ARFGEF2: variants seen among roughly 807,000 people sequenced by gnomAD.
The protein encoded by ARFGEF2 is brefeldin A-inhibited guanine nucleotide-exchange protein 2.
ARFGEF2 carries 74 observed loss-of-function variants against 219.9 expected under a neutral mutation model. The observed-to-expected ratio is 0.34, with a 90% CI of 0.28 to 0.41. The LOEUF is 0.41. Ranked by LOEUF, ARFGEF2 falls within the 10% of genes least tolerant of loss-of-function variation. ARFGEF2 has a pLI of 1.00. For synonymous variants in ARFGEF2, 733 were observed against 799.2 expected (o/e 0.92, Z 1.40); for missense variants, 1,743 against 2,218.3 (o/e 0.79, Z 4.30).
chr20:48,923,204 C>G (rs1021063578), intron 1 of ARFGEF2, among the ~76,000 whole-genome samples: 1 of 152,282 alleles, frequency 6.6e-6, no homozygotes, highest in African/African-American at 2.4e-5. Flanking sequence ...AGCTAATTCA[C>G]TGCCCCAACG....
intron 23 of ARFGEF2, among the ~76,000 whole-genome samples, chr20:48,997,200 G>T (rs1600643148): frequency 6.6e-6 from 1 of 151,710 alleles, no homozygotes. Flanking sequence ...TGCCTTCTTT[G>T]TGTTAAATAG....
At position 49,033,201 on chromosome 20, in the gene ARFGEF2, C is replaced by G. The variant is rs767631723; in HGVS notation, c.*2C>G. ...GCAGCACTGTCACCAGTGTGGTAGC[C>G]CTGGCTGCCCAGGCCAGTGCTGCAG... On this transcript the variant is annotated 3_prime_UTR_variant, in exon 39 of 39. Coordinates refer to ENST00000371917, the MANE Select transcript of ARFGEF2 (RefSeq NM_006420.3). The G allele has an allele frequency of 5.4e-5, 87 of 1,614,038 alleles. No individual in the cohort carries two copies. The highest frequency in any genetic ancestry group is 7.0e-5 in the Non-Finnish European group (83 of 1,180,026).
intron 21 of ARFGEF2, among the ~76,000 whole-genome samples, chr20:48,993,330 A>T (rs1193608439): frequency 1.3e-5 from 2 of 152,240 alleles, no homozygotes; most frequent in Non-Finnish European, 2.9e-5. Flanking sequence ...TTGGTGACGT[A>T]CTTGAGATTC....
intron 23 of ARFGEF2, among the ~76,000 whole-genome samples, chr20:48,996,218 G>T (rs1406952825): frequency 1.3e-5 from 2 of 149,362 alleles, no homozygotes; most frequent in Non-Finnish European, 3.0e-5. Context: ...CACTTTGGGA[G>T]GTCAAGGCAG....
chr20:48,999,518 G>GCAAA (rs942892878), intron 25 of ARFGEF2, among the ~76,000 whole-genome samples: 1 of 152,168 alleles, frequency 6.6e-6, no homozygotes, highest in Non-Finnish European at 1.5e-5. Flanking sequence ...GGAGGCTGAG[G>GCAAA]CAGGTGGATC....
chr20:49,001,682 T>A (rs1221983266), intron 25 of ARFGEF2, among the ~76,000 whole-genome samples: 3 of 152,204 alleles, frequency 2.0e-5, no homozygotes, highest in African/African-American at 7.2e-5. Flanking sequence ...AGCTAAAACA[T>A]CTTTGGCCAC....
intron 3 of ARFGEF2, among the ~76,000 whole-genome samples, chr20:48,943,062 C>T (rs2091004007): frequency 6.6e-6 from 1 of 152,084 alleles, no homozygotes; most frequent in South Asian, 2.1e-4. Flanking sequence ...ATCAGCACAC[C>T]CTCGGGGTCC....
chr20:48,966,065 A>G (rs752626060), intron 8 of ARFGEF2, 42 bp downstream of exon 8: 23 of 1,612,378 alleles, frequency 1.4e-5, no homozygotes, highest in Non-Finnish European at 1.9e-5. Context: ...TGCCATTTTT[A>G]CTTTTTCAAA....
Position 48,955,231 on chromosome 20 carries a change from G to A in ARFGEF2, c.838+1441G>A, listed in dbSNP as rs190605423. ...CAGGTGCCCTTTCTGGTTATTGAAC[G>A]GCTGTGCTTGTTTCTCCCTCAGTGC... On this transcript the variant is annotated intron_variant, in intron 6 of 38. Transcript: ENST00000371917. 5.3e-5 allele frequency among the ~76,000 whole-genome samples: 8 copies of A among 152,140 alleles called. No homozygotes were observed. In the East Asian group the frequency reaches 1.4e-3, roughly 26 times the overall value.
chr20:48,958,333 G>A (rs1221974286), intron 6 of ARFGEF2, among the ~76,000 whole-genome samples: 1 of 152,210 alleles, frequency 6.6e-6, no homozygotes, highest in Non-Finnish European at 1.5e-5. Context: ...CCCACAGTGG[G>A]AAGTGGCAGA....
At chr20:48,938,963 A>C (rs1376858136) in intron 1 of ARFGEF2, among the ~76,000 whole-genome samples, 1 of 130,912 alleles carries the variant, frequency 7.6e-6, no homozygotes. Context: ...GGTTTGTTTT[A>C]TGGGTTTTTT....
chr20:48,975,800 C>CAAAAAAAAAAAAAAAAAAAAAAAAAA (rs1057511883), intron 13 of ARFGEF2, among the ~76,000 whole-genome samples: 7 of 112,220 alleles, frequency 6.2e-5, no homozygotes, highest in Non-Finnish European at 1.2e-4. Context: ...GACTCCATCT[C>CAAAAAAAAAAAAAAAAAAAAAAAAAA]AAAAAAAAAA....
intron 3 of ARFGEF2, among the ~76,000 whole-genome samples, chr20:48,950,801 AAAAAAAAAAAATATATATAT>A (rs1251913167): frequency 2.8e-5 from 1 of 35,434 alleles, no homozygotes; most frequent in Non-Finnish European, 5.7e-5. Flanking sequence ...GTCTAAAAAA[AAAAAAAAAAAATATATATAT>A]ATATATATAT....
At chr20:48,941,069 A>G (rs1053149667) in intron 1 of ARFGEF2, 130 bp from the exon 2 acceptor site, 3 of 813,556 alleles carry the variant, frequency 3.7e-6, no homozygotes, top group Non-Finnish European at 4.1e-6. Context: ...CTTTCACTTC[A>G]TATCAGCATT....
chr20:48,976,259 C>T (rs1432267968), intron 14 of ARFGEF2, 60 bp downstream of exon 14: 1 of 1,586,614 alleles, frequency 6.3e-7, no homozygotes, highest in Non-Finnish European at 8.6e-7. Flanking sequence ...TCTCTGGGAA[C>T]CTGGAACTGA....
chr20:48,992,066 G>A (rs1209520272), intron 21 of ARFGEF2, among the ~76,000 whole-genome samples: 1 of 152,082 alleles, frequency 6.6e-6, no homozygotes, highest in Non-Finnish European at 1.5e-5. Flanking sequence ...AAAATTGCAA[G>A]AAAAATAAGG....
Position 48,941,869 on chromosome 20 carries a change from G to A in ARFGEF2, c.158G>A (p.Gly53Asp). 2 of 1,614,180 alleles carry A rather than the reference G, an allele frequency of 1.2e-6. No homozygotes were observed. The highest frequency in any genetic ancestry group is 2.2e-5 in the South Asian group (2 of 91,090). Residue 53 changes from glycine to aspartate, a missense_variant, in exon 3 of 39, where the codon GGC becomes GAC. Coordinates refer to ENST00000371917, the MANE Select transcript of ARFGEF2 (RefSeq NM_006420.3). ...CTCTCTTGCTTTTCTCCTAGGCTTG[G>A]CACTGCTGCACCACCAAAGGCAAAC... ...IKAEIEKQRL[G>D]TAAPPKANFI...
intron 3 of ARFGEF2, among the ~76,000 whole-genome samples, chr20:48,950,968 G>C (rs2091067431): frequency 6.6e-6 from 1 of 150,784 alleles, no homozygotes; most frequent in African/African-American, 2.4e-5. Flanking sequence ...TATCATTGAC[G>C]ATCACTCCCT....
At position 48,988,677 on chromosome 20, in the gene ARFGEF2, C is replaced by T. The variant is rs1327488877; in HGVS notation, c.2533+15C>T. ...TACTAAGCAGAGTAAGGTCTAATGG[C>T]AAATTATTTCTTTTAGTTCTAATTT... is the stretch of plus-strand genomic sequence containing the variant. On this transcript the variant is annotated intron_variant, in intron 18 of 38. Coordinates refer to ENST00000371917, the MANE Select transcript of ARFGEF2 (RefSeq NM_006420.3). 6.2e-7 allele frequency: 1 copy of T among 1,608,986 alleles called. No individual in the cohort carries two copies. Among genetic ancestry groups the T allele is most frequent in the East Asian group, 2.2e-5 (1 of 44,690 alleles).
Sources: gnomAD v4.1 joint callset for allele counts (sites outside exome capture counted in the v4.1 genomes callset) on GRCh38, gnomAD v4.1.1 for gene constraint, MANE v1.5 for transcripts, NCBI Gene and HGNC (gene_info 2026-07-23, HGNC 2026-07-21) for gene names.